The following NAV2 variants were observed in gnomAD, a reference collection of about 807,000 sequenced individuals.
The protein encoded by NAV2 is helicase, APC down-regulated 1.
NAV2 carries 54 observed loss-of-function variants against 223.2 expected under a neutral mutation model. That is an observed-to-expected ratio of 0.24 (90% confidence interval 0.19 to 0.30). The LOEUF (loss-of-function observed/expected upper bound fraction) is 0.30, where lower values mean the gene tolerates loss of function less well. Ranked by LOEUF, NAV2 falls within the 10% of genes least tolerant of loss-of-function variation. The pLI, the probability that NAV2 is intolerant of heterozygous loss-of-function variation, is 1.00. For synonymous variants in NAV2, 1,279 were observed against 1,239.3 expected (o/e 1.03, Z -0.67); for missense variants, 2,806 against 3,147.5 (o/e 0.89, Z 2.60).
intron 7 of NAV2, among the ~76,000 whole-genome samples, chr11:19,935,238 C>G (rs537585208): frequency 6.6e-5 from 10 of 152,298 alleles, no homozygotes; most frequent in African/African-American, 2.4e-4. Flanking sequence ...AATTGGATAA[C>G]TAATACTTGT....
chr11:20,053,018 A>G (rs982590012), intron 17 of NAV2, among the ~76,000 whole-genome samples: 6 of 152,024 alleles, frequency 3.9e-5, no homozygotes, highest in African/African-American at 1.4e-4. Flanking sequence ...GGAGTTCAAG[A>G]CCAGCCTGGC....
intron 1 of NAV2, among the ~76,000 whole-genome samples, chr11:19,598,832 C>T (rs959709952): frequency 6.6e-6 from 1 of 152,124 alleles, no homozygotes; most frequent in Non-Finnish European, 1.5e-5. Flanking sequence ...ATGCAAATAT[C>T]CCCCGTGATT....
At chr11:19,940,218 G>A (rs1291580741) in intron 8 of NAV2, among the ~76,000 whole-genome samples, 1 of 151,810 alleles carries the variant, frequency 6.6e-6, no homozygotes, top group Non-Finnish European at 1.5e-5. Context: ...GTGAATTGGG[G>A]GGGAAAATTG....
chr11:19,733,590 T>G (rs1003872621), intron 1 of NAV2, among the ~76,000 whole-genome samples: 2 of 152,186 alleles, frequency 1.3e-5, no homozygotes, highest in Non-Finnish European at 2.9e-5. Flanking sequence ...GGACTGAGAC[T>G]TCCAGGGGAA....
chr11:19,956,956 G>A (rs1424252407), intron 10 of NAV2, among the ~76,000 whole-genome samples: 2 of 152,172 alleles, frequency 1.3e-5, no homozygotes, highest in African/African-American at 2.4e-5. Context: ...GCCCAGGTAT[G>A]TTTGAAAGGG....
intron 1 of NAV2, among the ~76,000 whole-genome samples, chr11:19,642,603 A>C (rs2047696046): frequency 6.6e-6 from 1 of 152,118 alleles, no homozygotes; most frequent in East Asian, 1.9e-4. Flanking sequence ...GGCGCTGTAC[A>C]TGGAGTCAAC....
intron 3 of NAV2, among the ~76,000 whole-genome samples, chr11:19,868,652 T>C (rs542186110): frequency 2.0e-5 from 3 of 152,320 alleles, no homozygotes; most frequent in Admixed American, 6.5e-5. Context: ...AGGATTGCAC[T>C]GGTGGTGACA....
chr11:19,636,104 G>A (rs1456887523), intron 1 of NAV2, among the ~76,000 whole-genome samples: 1 of 152,198 alleles, frequency 6.6e-6, no homozygotes, highest in Admixed American at 6.5e-5. Context: ...TTAGAGGACT[G>A]GTCAATAGAT....
intron 1 of NAV2, among the ~76,000 whole-genome samples, chr11:19,825,557 A>G (rs768366290): frequency 6.6e-6 from 1 of 152,190 alleles, no homozygotes; most frequent in Non-Finnish European, 1.5e-5. Flanking sequence ...GCTGCCTGGC[A>G]TATCCATCTG....
intron 10 of NAV2, among the ~76,000 whole-genome samples, chr11:19,956,365 TACACAC>T (rs113677958): frequency 1.9e-5 from 2 of 103,876 alleles, no homozygotes; most frequent in African/African-American, 9.3e-5. Flanking sequence ...CCGACACACA[TACACAC>T]ACACACACAC....
chr11:19,568,474 T>C (rs2045334187), intron 1 of NAV2, among the ~76,000 whole-genome samples: 1 of 152,118 alleles, frequency 6.6e-6, no homozygotes, highest in South Asian at 2.1e-4. Context: ...GGATTGTGAT[T>C]GTGAGTTCTG....
At chr11:19,508,730 A>G (rs764396730) in intron 1 of NAV2, among the ~76,000 whole-genome samples, 4 of 152,206 alleles carry the variant, frequency 2.6e-5, no homozygotes, top group Non-Finnish European at 2.9e-5. Flanking sequence ...TTTAAGATTT[A>G]TCTCTCTCAA....
At chr11:19,393,899 T>TA (rs1414320315) in intron 1 of NAV2, among the ~76,000 whole-genome samples, 1 of 29,120 alleles carries the variant, frequency 3.4e-5, no homozygotes, top group African/African-American at 7.9e-5. Flanking sequence ...TTAAGGGTTT[T>TA]TTTTTTCTTT....
intron 10 of NAV2, among the ~76,000 whole-genome samples, chr11:19,961,102 T>C (rs1426110529): frequency 6.6e-6 from 1 of 152,140 alleles, no homozygotes; most frequent in Non-Finnish European, 1.5e-5. Context: ...CTTTTCTTTT[T>C]TTAATTTAAA....
intron 1 of NAV2, among the ~76,000 whole-genome samples, chr11:19,684,512 C>A (rs1163744503): frequency 6.6e-6 from 1 of 152,170 alleles, no homozygotes; most frequent in Non-Finnish European, 1.5e-5. Flanking sequence ...TAGTCTGGAG[C>A]ACCCAAGCAC....
At chr11:19,454,137 G>A (rs890933374) in intron 1 of NAV2, among the ~76,000 whole-genome samples, 3 of 152,204 alleles carry the variant, frequency 2.0e-5, no homozygotes, top group African/African-American at 4.8e-5. Flanking sequence ...TCAGAGCACT[G>A]AGAGGTGAAG....
chr11:20,061,140 A>G (rs1011999638), intron 19 of NAV2, among the ~76,000 whole-genome samples: 3 of 152,236 alleles, frequency 2.0e-5, no homozygotes, highest in Non-Finnish European at 4.4e-5. Context: ...GTGACGCCTT[A>G]ACATAGGAAT....
In NAV2 at chr11:19,799,181, T is replaced by A. The variant is rs151282362; in HGVS notation, c.268-33303T>A. 1.6e-4 allele frequency among the ~76,000 whole-genome samples: 25 copies of A among 152,344 alleles called. No homozygotes were observed. In the East Asian group the frequency reaches 4.6e-3, roughly 28 times the overall value. ...GACGTGCCTTTTCCCGCTGATTGATTGAAAGCGTTCTTATGCCCACATGAA... is the reference window on the plus strand; with the variant it reads ...GACGTGCCTTTTCCCGCTGATTGATAGAAAGCGTTCTTATGCCCACATGAA... On this transcript the variant is annotated intron_variant, in intron 1 of 37. Coordinates refer to ENST00000349880, the MANE Select transcript of NAV2 (RefSeq NM_145117.5).
chr11:19,725,714 C>G (rs889835756), intron 1 of NAV2, among the ~76,000 whole-genome samples: 9 of 152,154 alleles, frequency 5.9e-5, no homozygotes, highest in African/African-American at 2.2e-4. Context: ...AAAAATATGC[C>G]AGCTTTGTCA....
Sources: allele counts gnomAD v4.1 joint callset (sites outside exome capture counted in the v4.1 genomes callset), GRCh38; gene constraint gnomAD v4.1.1; transcripts MANE v1.5; gene names NCBI Gene and HGNC (gene_info 2026-07-23, HGNC 2026-07-21).